The following CNTNAP4 variants were observed in gnomAD, a reference collection of about 807,000 sequenced individuals.
CNTNAP4 encodes the protein contactin associated protein family member 4, also known as contactin-associated protein-like 4.
CNTNAP4 carries 98 observed loss-of-function variants against 148.4 expected under a neutral mutation model. The observed-to-expected ratio is 0.66, with a 90% CI of 0.56 to 0.78. The LOEUF is 0.78. Among genes scored for constraint, CNTNAP4 ranks in the 30% least tolerant of loss-of-function variants. The probability of loss-of-function intolerance (pLI) is 0.00; values close to 1 mark genes in which losing one functional copy is unlikely to be tolerated. For synonymous variants in CNTNAP4, 730 were observed against 565.1 expected, an observed-to-expected ratio of 1.29 and a Z score of -4.14; for missense variants, 1,935 against 1,565.6, an observed-to-expected ratio of 1.24 and a Z score of -3.98.
intron 3 of CNTNAP4, among the ~76,000 whole-genome samples, chr16:76,372,306 A>AT (rs57362303): frequency 0.38 from 53,719 of 140,334 alleles, 10,686 homozygotes; most frequent in East Asian, 0.51. Flanking sequence ...GGCCCAGCTA[A>AT]TTTTTTTTTT....
At chr16:76,443,675 G>A (rs1179567693) in intron 4 of CNTNAP4, among the ~76,000 whole-genome samples, 1 of 152,118 alleles carries the variant, frequency 6.6e-6, no homozygotes, top group Non-Finnish European at 1.5e-5. Context: ...TTTTATTTTG[G>A]ATGCTTAATT....
intron 12 of CNTNAP4, among the ~76,000 whole-genome samples, chr16:76,480,166 G>A (rs1026938494): frequency 6.6e-6 from 1 of 151,158 alleles, no homozygotes. Context: ...TAAATATTGG[G>A]GAAAAAAAAG....
chr16:76,475,367 A>G lies in CNTNAP4; in HGVS notation c.1656-572A>G, dbSNP rs559151420. Among the ~76,000 whole-genome samples the G allele has an allele frequency of 2.0e-5, 3 of 152,332 alleles. No individual in the cohort carries two copies. In the East Asian group the frequency reaches 5.8e-4, roughly 29 times the overall value. ...TAGTTAGTCACACGGTGTTTGATAGATGTTGAGTATGACAGATATTTCTCT... is the reference window on the plus strand; with the variant it reads ...TAGTTAGTCACACGGTGTTTGATAGGTGTTGAGTATGACAGATATTTCTCT... On this transcript the variant is annotated intron_variant, in intron 10 of 23. Coordinates refer to ENST00000611870, the MANE Select transcript of CNTNAP4 (RefSeq NM_033401.5).
At chr16:76,313,242 G>C (rs1961336084) in intron 1 of CNTNAP4, among the ~76,000 whole-genome samples, 1 of 152,158 alleles carries the variant, frequency 6.6e-6, no homozygotes, top group South Asian at 2.1e-4. Flanking sequence ...GGTTGTACCA[G>C]AGAGGCATTA....
intron 3 of CNTNAP4, among the ~76,000 whole-genome samples, chr16:76,367,469 A>G (rs764657879): frequency 2.0e-5 from 3 of 152,184 alleles, no homozygotes; most frequent in Non-Finnish European, 2.9e-5. Context: ...ATATAACATA[A>G]AAGAAAGGGT....
rs144301403 is a variant in CNTNAP4, at chr16:76,427,306, CAT to C, written c.391-144_391-143del. 3,904 of 586,762 alleles carry C rather than the reference CAT, an allele frequency of 6.7e-3. 57 individuals carry two copies. The highest frequency in any genetic ancestry group is 0.043 in the African/African-American group (2,292 of 52,838). The allele number at this position is 586,762 out of a possible 1,614,324, so 36.3% of individuals were successfully genotyped here. A position where few individuals can be genotyped will look rare whatever the true frequency, so the allele number is the denominator to read the frequency against. ...TTCTCTGGATGCAGAGACATCATGA[CAT>C]AACTGTTAATGTGATTTTCTTATAG... On this transcript the variant is annotated intron_variant, in intron 3 of 23. Transcript: ENST00000611870.
At chr16:76,468,827 T>C (rs1597642813) in intron 10 of CNTNAP4, among the ~76,000 whole-genome samples, 1 of 152,198 alleles carries the variant, frequency 6.6e-6, no homozygotes, top group African/African-American at 2.4e-5. Flanking sequence ...TAAGTCATCT[T>C]GCCAGTCATG....
rs537208324 is a variant in CNTNAP4, at chr16:76,520,465, C to T, written c.2366-675C>T. 3.3e-5 allele frequency among the ~76,000 whole-genome samples: 5 copies of T among 152,240 alleles called. No individual in the cohort carries two copies. In the South Asian group the frequency reaches 8.3e-4, roughly 25 times the overall value. ...TTCAACATTTTCTGCCCATTTTGAACATTTGTAAACATTTTGAGAACACTT... is the reference window on the plus strand; with the variant it reads ...TTCAACATTTTCTGCCCATTTTGAATATTTGTAAACATTTTGAGAACACTT... On this transcript the variant is annotated intron_variant, in intron 15 of 23. Coordinates refer to ENST00000611870, the MANE Select transcript of CNTNAP4 (RefSeq NM_033401.5).
At chr16:76,371,370 C>T (rs2014800347) in intron 3 of CNTNAP4, among the ~76,000 whole-genome samples, 1 of 152,128 alleles carries the variant, frequency 6.6e-6, no homozygotes, top group Non-Finnish European at 1.5e-5. Flanking sequence ...ACTGCAACCT[C>T]CACCTCCCGG....
At chr16:76,450,339 A>T (rs2080415004) in intron 7 of CNTNAP4, among the ~76,000 whole-genome samples, 1 of 152,012 alleles carries the variant, frequency 6.6e-6, no homozygotes, top group Non-Finnish European at 1.5e-5. Context: ...TTGTAGAGAC[A>T]AGGTTTTGCC....
At chr16:76,485,645 A>C (rs145352372) in intron 12 of CNTNAP4, among the ~76,000 whole-genome samples, 53 of 152,294 alleles carry the variant, frequency 3.5e-4, no homozygotes, top group Non-Finnish European at 2.6e-4. Flanking sequence ...AGTTTAGAAC[A>C]CAAGGTCTGG....
chr16:76,490,232 A>C (rs138150124), intron 13 of CNTNAP4, among the ~76,000 whole-genome samples: 14 of 152,318 alleles, frequency 9.2e-5, no homozygotes, highest in Non-Finnish European at 1.6e-4. Context: ...TTATTTTATC[A>C]TGGAAAACAG....
rs1000727889 is a variant in CNTNAP4, at chr16:76,559,047, T to G, written c.*364T>G. 1 of 156,126 alleles carries G rather than the reference T, an allele frequency of 6.4e-6. No individual in the cohort carries two copies. Among genetic ancestry groups the G allele is most frequent in the Non-Finnish European group, 1.4e-5 (1 of 70,844 alleles). 9.7% of individuals were successfully genotyped at this position (156,126 alleles called of 1,614,324 possible). ...GGTAAAAATTAAATTTGGACTATAATGTCCTTGCTTTATTTGAGAACATTT... is the reference window on the plus strand; with the variant it reads ...GGTAAAAATTAAATTTGGACTATAAGGTCCTTGCTTTATTTGAGAACATTT... On this transcript the variant is annotated 3_prime_UTR_variant, in exon 24 of 24. Transcript: ENST00000611870.
rs572451978 is a variant in CNTNAP4, at chr16:76,408,751, A to G, written c.391-18701A>G. 2.5e-3 allele frequency among the ~76,000 whole-genome samples: 378 copies of G among 152,074 alleles called. 1 individual carries two copies. Among genetic ancestry groups the G allele is most frequent in the Middle Eastern group, 6.8e-3 (2 of 294 alleles). ...TGGAAAACAGCATTTTATTATTACT[A>G]TTTTTTTAACAACAACTTTCCAAAG... On this transcript the variant is annotated intron_variant, in intron 3 of 23. Coordinates refer to ENST00000611870, the MANE Select transcript of CNTNAP4 (RefSeq NM_033401.5).
At chr16:76,410,518 T>G (rs2078756384) in intron 3 of CNTNAP4, among the ~76,000 whole-genome samples, 1 of 151,710 alleles carries the variant, frequency 6.6e-6, no homozygotes, top group African/African-American at 2.4e-5. Context: ...GCAGGTGTTA[T>G]TATTGATTGA....
At chr16:76,333,510 T>C (rs1963726088) in intron 2 of CNTNAP4, among the ~76,000 whole-genome samples, 3 of 152,204 alleles carry the variant, frequency 2.0e-5, no homozygotes, top group African/African-American at 4.8e-5. Context: ...CATTAATTGT[T>C]TGTACATTGT....
intron 3 of CNTNAP4, among the ~76,000 whole-genome samples, chr16:76,411,669 C>G (rs1597456341): frequency 6.6e-6 from 1 of 151,228 alleles, no homozygotes; most frequent in Non-Finnish European, 1.5e-5. Flanking sequence ...ATGAGGTATT[C>G]TTAAAAAAAT....
chr16:76,365,909 G>A (rs74444976), intron 3 of CNTNAP4, among the ~76,000 whole-genome samples: 1 of 151,636 alleles, frequency 6.6e-6, no homozygotes, highest in African/African-American at 2.4e-5. Context: ...AAATACAAAC[G>A]CCATTTGTAA....
At chr16:76,431,572 G>A (rs1597512453) in intron 4 of CNTNAP4, among the ~76,000 whole-genome samples, 1 of 152,234 alleles carries the variant, frequency 6.6e-6, no homozygotes, top group Admixed American at 6.5e-5. Context: ...CTAGCTACTT[G>A]GGAGGCTGAG....
Sources: gnomAD v4.1 joint callset for allele counts (sites outside exome capture counted in the v4.1 genomes callset) on GRCh38, gnomAD v4.1.1 for gene constraint, MANE v1.5 for transcripts, NCBI Gene and HGNC (gene_info 2026-07-23, HGNC 2026-07-21) for gene names.